The following RNGTT variants were observed in gnomAD, a reference collection of about 807,000 sequenced individuals.
RNGTT encodes the protein RNA guanylyltransferase and 5'-phosphatase.
RNGTT carries 33 observed loss-of-function variants against 79.3 expected under a neutral mutation model. The ratio of observed to expected loss-of-function variants is 0.42; its 90% CI spans 0.32 to 0.56. The LOEUF (loss-of-function observed/expected upper bound fraction) is 0.56. Ranked by LOEUF, RNGTT falls within the 20% of genes least tolerant of loss-of-function variation. RNGTT has a pLI of 0.17. For missense variants in RNGTT, 497 were observed against 739.1 expected (o/e 0.67, Z 3.80); for synonymous variants, 222 against 235.9 (o/e 0.94, Z 0.54).
intron 13 of RNGTT, among the ~76,000 whole-genome samples, chr6:88,689,010 A>G (rs1212233500): frequency 6.6e-6 from 1 of 152,236 alleles, no homozygotes; most frequent in African/African-American, 2.4e-5. Context: ...TTGACTGTGT[A>G]TGTTATTGGT....
At chr6:88,723,827 C>T (rs555488125) in intron 13 of RNGTT, among the ~76,000 whole-genome samples, 11 of 152,128 alleles carry the variant, frequency 7.2e-5, no homozygotes, top group African/African-American at 1.2e-4. Context: ...CAGGTTCAAG[C>T]GATTCTCCTG....
chr6:88,927,993 C>T (rs1784377093), intron 4 of RNGTT, among the ~76,000 whole-genome samples: 1 of 151,942 alleles, frequency 6.6e-6, no homozygotes, highest in Admixed American at 6.6e-5. Context: ...TCACTTGACA[C>T]CAGCAGTTCA....
At chr6:88,643,276 AT>A (rs1402384894) in intron 14 of RNGTT, among the ~76,000 whole-genome samples, 1 of 152,190 alleles carries the variant, frequency 6.6e-6, no homozygotes, top group Non-Finnish European at 1.5e-5. Context: ...TGAATGTCTC[AT>A]ATAGTTTACT....
intron 11 of RNGTT, among the ~76,000 whole-genome samples, chr6:88,806,197 T>C (rs1779947876): frequency 6.6e-6 from 1 of 151,858 alleles, no homozygotes; most frequent in Non-Finnish European, 1.5e-5. Context: ...TATTCAAAGA[T>C]AAGGCAGTCA....
intron 13 of RNGTT, among the ~76,000 whole-genome samples, chr6:88,749,889 C>T (rs183886186): frequency 2.0e-5 from 3 of 152,260 alleles, no homozygotes; most frequent in African/African-American, 7.2e-5. Context: ...GGGAAGAATG[C>T]TTTCTTGCCT....
At chr6:88,907,267 A>C (rs975264621) in intron 4 of RNGTT, among the ~76,000 whole-genome samples, 6 of 152,156 alleles carry the variant, frequency 3.9e-5, no homozygotes, top group Non-Finnish European at 8.8e-5. Flanking sequence ...TGAGGGAGAG[A>C]TCTGGTGGGA....
intron 4 of RNGTT, among the ~76,000 whole-genome samples, chr6:88,910,318 C>T (rs866746242): frequency 2.6e-5 from 4 of 152,170 alleles, no homozygotes; most frequent in South Asian, 2.1e-4. Flanking sequence ...ACAGGAATTT[C>T]AAAATACAAT....
At chr6:88,629,297 C>T (rs567106027) in intron 14 of RNGTT, among the ~76,000 whole-genome samples, 2 of 152,160 alleles carry the variant, frequency 1.3e-5, no homozygotes, top group East Asian at 3.9e-4. Context: ...CAGTCTTTTC[C>T]GTTCTGGCAA....
intron 2 of RNGTT, among the ~76,000 whole-genome samples, chr6:88,929,819 T>TACATATACAC (rs1268780035): frequency 4.2e-4 from 63 of 151,442 alleles, no homozygotes; most frequent in Middle Eastern, 7.0e-3. Flanking sequence ...TATATATACA[T>TACATATACAC]ACATATACAC....
intron 11 of RNGTT, 71 bp downstream of exon 11, chr6:88,844,286 A>G: frequency 7.1e-7 from 1 of 1,414,072 alleles, no homozygotes; most frequent in East Asian, 2.3e-5. Flanking sequence ...GCAAAATGTC[A>G]TTCATATTCA....
At chr6:88,849,714 T>G (rs763132135) in intron 10 of RNGTT, 41 bp downstream of exon 10, 1 of 1,464,402 alleles carries the variant, frequency 6.8e-7, no homozygotes, top group South Asian at 1.4e-5. Flanking sequence ...ACATTCATTA[T>G]TTCAGTAATA....
chr6:88,750,185 G>C (rs1777795113), intron 13 of RNGTT, among the ~76,000 whole-genome samples: 1 of 152,062 alleles, frequency 6.6e-6, no homozygotes, highest in African/African-American at 2.4e-5. Flanking sequence ...CTTTCTGAGA[G>C]ACACAATTCA....
intron 12 of RNGTT, among the ~76,000 whole-genome samples, chr6:88,800,793 G>C (rs2127862437): frequency 6.6e-6 from 1 of 152,256 alleles, no homozygotes; most frequent in Middle Eastern, 3.4e-3. Context: ...TATCAAGTAG[G>C]GCCAATTATG....
chr6:88,953,800 G>A, intron 1 of RNGTT, among the ~76,000 whole-genome samples: 1 of 152,306 alleles, frequency 6.6e-6, no homozygotes, highest in Middle Eastern at 3.4e-3. Context: ...CAAGCCAGAA[G>A]GGATTGGGGT....
intron 14 of RNGTT, among the ~76,000 whole-genome samples, chr6:88,655,685 A>G (rs953819752): frequency 6.6e-6 from 1 of 152,246 alleles, no homozygotes; most frequent in African/African-American, 2.4e-5. Flanking sequence ...CTTAAAATAT[A>G]GAAGACTTTT....
At chr6:88,686,380 A>G (rs1775278227) in intron 13 of RNGTT, among the ~76,000 whole-genome samples, 1 of 152,064 alleles carries the variant, frequency 6.6e-6, no homozygotes, top group South Asian at 2.1e-4. Context: ...ATTAAATGCA[A>G]TCTAAAAACT....
intron 14 of RNGTT, among the ~76,000 whole-genome samples, chr6:88,644,837 T>C (rs1332280577): frequency 2.6e-5 from 4 of 152,230 alleles, no homozygotes; most frequent in Non-Finnish European, 5.9e-5. Context: ...AAATTAGCTA[T>C]TGATGGGGCG....
In RNGTT at chr6:88,706,226, G is replaced by C. The variant is rs544615202; in HGVS notation, c.1440-27807C>G. Among the ~76,000 whole-genome samples, 21 of 152,184 alleles carry C rather than the reference G, an allele frequency of 1.4e-4. No individual in the cohort carries two copies. The South Asian group carries it at 4.3e-3, about 32-fold the overall frequency. On this transcript the variant is annotated intron_variant, in intron 13 of 15. Coordinates refer to ENST00000369485, the MANE Select transcript of RNGTT (RefSeq NM_003800.5). ...GAGATAAGTATGTCATCAATGCATT[G>C]AAGTGCTTTTTTTTGGTAGAAAAGA...
intron 14 of RNGTT, among the ~76,000 whole-genome samples, chr6:88,660,555 A>AAAAAAAAAAAAAAAAAAAAAAAG (rs937133942): frequency 4.0e-5 from 6 of 151,826 alleles, no homozygotes; most frequent in African/African-American, 1.5e-4. Flanking sequence ...ATGGTAAAAA[A>AAAAAAAAAAAAAAAAAAAAAAAG]AAAGAAAGAA....
Sources: gnomAD v4.1 joint callset for allele counts (sites outside exome capture counted in the v4.1 genomes callset) on GRCh38, gnomAD v4.1.1 for gene constraint, MANE v1.5 for transcripts, NCBI Gene and HGNC (gene_info 2026-07-23, HGNC 2026-07-21) for gene names.